The following PIP5K1C variants were observed in gnomAD, a reference collection of about 807,000 sequenced individuals.
PIP5K1C encodes the protein phosphatidylinositol-4-phosphate 5-kinase type 1 gamma.
PIP5K1C carries 45 observed loss-of-function variants against 80.1 expected under a neutral mutation model. The ratio of observed to expected loss-of-function variants is 0.56; its 90% CI spans 0.44 to 0.72. The LOEUF (loss-of-function observed/expected upper bound fraction) is 0.72. Ranked by LOEUF, PIP5K1C falls within the 30% of genes least tolerant of loss-of-function variation. PIP5K1C has a pLI of 0.00. For missense variants in PIP5K1C, 753 were observed against 954.6 expected (o/e 0.79, Z 2.78); for synonymous variants, 498 against 420.1 (o/e 1.19, Z -2.27).
intron 2 of PIP5K1C, among the ~76,000 whole-genome samples, chr19:3,665,742 C>T (rs1053873849): frequency 2.0e-5 from 3 of 152,160 alleles, no homozygotes; most frequent in South Asian, 4.1e-4. Context: ...GGACCGCCGA[C>T]CCCAGGGGGC....
chr19:3,650,529 G>T (rs113146392), intron 8 of PIP5K1C, among the ~76,000 whole-genome samples: 2,541 of 152,312 alleles, frequency 0.017, 73 homozygotes, highest in African/African-American at 0.059. Context: ...GGCCCGGGAC[G>T]CTGCTCAGCA....
rs557910140 is a variant in PIP5K1C at position 3,636,668 on chromosome 19, C to T, written c.1920+2216G>A. 1,463 of 985,606 alleles carry T rather than the reference C, an allele frequency of 1.5e-3. 1 individual carries two copies. Among genetic ancestry groups the T allele is most frequent in the Non-Finnish European group, 1.7e-3 (1,423 of 830,084 alleles). The allele number at this position is 985,606 out of a possible 1,614,324, so 61.1% of individuals were successfully genotyped here. ...GTGGGACGGAGCTGCCTAGAGCAGC[C>T]GGGGAAGTGGTCTCCACCTCTTGGG... On this transcript the variant is annotated intron_variant, in intron 16 of 17. Transcript: ENST00000335312.
intron 1 of PIP5K1C, chr19:3,674,245 C>A (rs2035293045): frequency 6.6e-6 from 1 of 152,298 alleles, no homozygotes; most frequent in African/African-American, 2.4e-5. Context: ...AACCACCCAA[C>A]TGAACCCAAC....
chr19:3,662,098 G>A, intron 3 of PIP5K1C, 97 bp from the exon 4 acceptor site: 1 of 1,444,896 alleles, frequency 6.9e-7, no homozygotes, highest in Non-Finnish European at 9.3e-7. Flanking sequence ...ACCAGCTGCA[G>A]CTTGGGACCC....
Position 3,652,029 on chromosome 19 carries a change from G to A in PIP5K1C, c.924C>T (p.Val308=). 1 of 1,613,060 alleles carries A rather than the reference G, an allele frequency of 6.2e-7. No individual in the cohort carries two copies. Among genetic ancestry groups the A allele is most frequent in the Non-Finnish European group, 8.5e-7 (1 of 1,179,940 alleles). Reference sequence around the variant, plus strand: ...AGTCCATGATCTTGAAACTTTCCAGGACCTGGCGGGATCGGGCAGGAACAC... The same window carrying A: ...AGTCCATGATCTTGAAACTTTCCAGAACCTGGCGGGATCGGGCAGGAACAC... ...LVKTLQRDCL[V]LESFKIMDYS... The change falls in exon 8 of 18, where the codon GTC becomes GTT. Residue 308 remains valine, a splice_region_variant and synonymous_variant. Coordinates refer to ENST00000335312, the MANE Select transcript of PIP5K1C (RefSeq NM_012398.3).
chr19:3,697,392 T>C (rs1431972488), intron 1 of PIP5K1C, among the ~76,000 whole-genome samples: 3 of 133,912 alleles, frequency 2.2e-5, no homozygotes, highest in Non-Finnish European at 4.8e-5. Context: ...GGAGGAGGAC[T>C]GAGCTGGACC....
chr19:3,637,049 AGACC>A lies in PIP5K1C; in HGVS notation c.1920+1831_1920+1834del. 8.8e-7 allele frequency: 1 copy of A among 1,141,484 alleles called. No homozygotes were observed. The highest frequency in any genetic ancestry group is 1.1e-6 in the Non-Finnish European group (1 of 925,388). 70.7% of individuals were successfully genotyped at this position (1,141,484 alleles called of 1,614,324 possible). On this transcript the variant is annotated intron_variant, in intron 16 of 17. Transcript: ENST00000335312. This position sits in a 1 kb window ranked among gnomAD's most constrained non-coding sequence, Gnocchi z 7.0. ...CTCCATCTGTGAGGTGGGTGTGGAGAGACCATCTCCTCCCCGTCTCCATGGCCCT... is the reference window on the plus strand; with the variant it reads ...CTCCATCTGTGAGGTGGGTGTGGAGAATCTCCTCCCCGTCTCCATGGCCCT...
chr19:3,686,415 G>A (rs774642452), intron 1 of PIP5K1C, among the ~76,000 whole-genome samples: 1 of 149,140 alleles, frequency 6.7e-6, no homozygotes, highest in Non-Finnish European at 1.5e-5. Flanking sequence ...GTGAGACTCT[G>A]TCTCAAAAAA....
chr19:3,631,772 AC>A lies in PIP5K1C; in HGVS notation c.*1394del, dbSNP rs1181265926. 1 of 152,232 alleles carries A rather than the reference AC, an allele frequency of 6.6e-6. No homozygotes were observed. Among genetic ancestry groups the A allele is most frequent in the African/African-American group, 2.4e-5 (1 of 41,452 alleles). The allele number at this position is 152,232 out of a possible 1,614,324, so 9.4% of individuals were successfully genotyped here. The stretch of plus-strand genomic sequence containing the variant: ...GGCGTGGCGTCATACGGAGGTTGTA[AC>A]AGACAAAACACAGAGCCCTGCCTGG... On this transcript the variant is annotated 3_prime_UTR_variant, in exon 18 of 18. Transcript: ENST00000335312.
chr19:3,637,563 C>T lies in PIP5K1C; in HGVS notation c.1920+1321G>A. The T allele has an allele frequency of 1.5e-5, 23 of 1,534,820 alleles. No individual in the cohort carries two copies. The highest frequency in any genetic ancestry group is 2.0e-5 in the Non-Finnish European group (23 of 1,146,240). ...TCCCCGAGGCGCTCAGCGTCACGGC[C>T]CGCAGTCGGCGATGGCGGGGAGAGT... is the stretch of plus-strand genomic sequence containing the variant. On this transcript the variant is annotated intron_variant, in intron 16 of 17. Coordinates refer to ENST00000335312, the MANE Select transcript of PIP5K1C (RefSeq NM_012398.3). This position sits in a 1 kb window ranked among gnomAD's most constrained non-coding sequence, Gnocchi z 7.0.
chr19:3,680,486 TAG>T (rs1437102563), intron 1 of PIP5K1C, among the ~76,000 whole-genome samples: 1 of 152,136 alleles, frequency 6.6e-6, no homozygotes, highest in Non-Finnish European at 1.5e-5. Context: ...TCTATTTTTA[TAG>T]AGATGGCGTT....
intron 1 of PIP5K1C, among the ~76,000 whole-genome samples, chr19:3,671,222 T>C (rs575968204): frequency 6.6e-6 from 1 of 152,174 alleles, no homozygotes; most frequent in Non-Finnish European, 1.5e-5. Flanking sequence ...CCACACCCAC[T>C]TGGGTGACTC....
Position 3,630,922 on chromosome 19 carries a change from T to C in PIP5K1C, c.*2245A>G, listed in dbSNP as rs1453407694. On this transcript the variant is annotated 3_prime_UTR_variant, in exon 18 of 18. Coordinates refer to ENST00000335312, the MANE Select transcript of PIP5K1C (RefSeq NM_012398.3). Reference sequence around the variant, plus strand: ...GAGTTCGCTAAATATTATAAATAGGTCTTGCCGTCCTCCTGCCCCCGCCCC... The same window carrying C: ...GAGTTCGCTAAATATTATAAATAGGCCTTGCCGTCCTCCTGCCCCCGCCCC... The C allele has an allele frequency of 1.3e-5, 2 of 152,164 alleles. No homozygotes were observed. The highest frequency in any genetic ancestry group is 2.9e-5 in the Non-Finnish European group (2 of 68,052). 9.4% of individuals were successfully genotyped at this position (152,164 alleles called of 1,614,324 possible).
chr19:3,660,170 G>T (rs1206897607), intron 5 of PIP5K1C, among the ~76,000 whole-genome samples: 1 of 152,178 alleles, frequency 6.6e-6, no homozygotes, highest in Non-Finnish European at 1.5e-5. Context: ...CACGAGGTCA[G>T]GAGATCGAGA....
chr19:3,661,852 C>T lies in PIP5K1C; in HGVS notation c.350+19G>A. On this transcript the variant is annotated intron_variant, in intron 4 of 17. Coordinates refer to ENST00000335312, the MANE Select transcript of PIP5K1C (RefSeq NM_012398.3). ...CGTGTGTGCTGGGTGAGCCCTGAGG[C>T]TCCGGGGGCCCGGCCCACCTGGGGA... 1 of 1,610,040 alleles carries T rather than the reference C, an allele frequency of 6.2e-7. No individual in the cohort carries two copies. Among genetic ancestry groups the T allele is most frequent in the South Asian group, 1.1e-5 (1 of 91,086 alleles).
intron 10 of PIP5K1C, 46 bp downstream of exon 10, chr19:3,647,292 G>A: frequency 6.6e-7 from 1 of 1,512,488 alleles, no homozygotes; most frequent in Non-Finnish European, 9.0e-7. Context: ...ACTCACAGGA[G>A]GAGGAGGGAT....
chr19:3,660,932 A>T (rs775987662), intron 5 of PIP5K1C, 34 bp downstream of exon 5: 2 of 1,539,106 alleles, frequency 1.3e-6, no homozygotes, highest in Non-Finnish European at 1.8e-6. Context: ...GTTCTGTTTC[A>T]AGCCTGGAAG....
At chr19:3,699,051 G>C (rs909625687) in intron 1 of PIP5K1C, among the ~76,000 whole-genome samples, 1 of 151,520 alleles carries the variant, frequency 6.6e-6, no homozygotes, top group Admixed American at 6.6e-5. Flanking sequence ...AATGGTCGCG[G>C]TGTGGTTTTC....
intron 1 of PIP5K1C, among the ~76,000 whole-genome samples, chr19:3,675,896 A>AG (rs1159153815): frequency 1.3e-5 from 2 of 152,178 alleles, no homozygotes; most frequent in Non-Finnish European, 2.9e-5. Context: ...CCGTGTCCCC[A>AG]GGGGGGCAGG....
Sources: gnomAD v4.1 joint callset for allele counts (sites outside exome capture counted in the v4.1 genomes callset) on GRCh38, gnomAD v4.1.1 for gene constraint, Gnocchi (gnomAD v3.1) non-coding constraint, MANE v1.5 for transcripts, NCBI Gene and HGNC (gene_info 2026-07-23, HGNC 2026-07-21) for gene names.